Variants in MON2 observed in about 807,000 individuals in gnomAD.
The protein encoded by MON2 is MON2 regulator of endosome-to-Golgi trafficking.
In MON2, 84 loss-of-function variants were observed where a neutral mutation model predicts 208.6. The ratio of observed to expected loss-of-function variants is 0.40; its 90% CI spans 0.34 to 0.48. MON2 has a LOEUF of 0.48. MON2 is among the 20% of genes least tolerant of loss of function. MON2 has a pLI of 0.59. For synonymous variants in MON2, 660 were observed against 694.0 expected (o/e 0.95, Z 0.77); for missense variants, 1,611 against 2,015.4 (o/e 0.80, Z 3.84).
intron 8 of MON2, among the ~76,000 whole-genome samples, chr12:62,509,470 C>G (rs978838183): frequency 6.6e-6 from 1 of 152,090 alleles, no homozygotes; most frequent in South Asian, 2.1e-4. Flanking sequence ...TATTCTACTT[C>G]CAATAAAGGT....
intron 14 of MON2, among the ~76,000 whole-genome samples, chr12:62,536,051 A>G (rs116525056): frequency 6.0e-4 from 92 of 152,304 alleles, no homozygotes; most frequent in African/African-American, 2.1e-3. Context: ...GCATAAGTAT[A>G]TATAATATAA....
intron 8 of MON2, chr12:62,508,864 A>G (rs532924184): frequency 2.5e-3 from 416 of 164,750 alleles, no homozygotes; most frequent in South Asian, 3.8e-3. Context: ...AAGACATTAA[A>G]GATTTGGTCA....
chr12:62,497,965 C>A (rs1403552358), intron 4 of MON2, among the ~76,000 whole-genome samples: 1 of 152,218 alleles, frequency 6.6e-6, no homozygotes, highest in East Asian at 1.9e-4. Context: ...GATGACCCAT[C>A]CATTTCACTT....
In MON2 at chr12:62,551,319, A is replaced by C. The variant is rs530568730; in HGVS notation, c.2916+1489A>C. 7.9e-5 allele frequency among the ~76,000 whole-genome samples: 12 copies of C among 152,282 alleles called. No individual in the cohort carries two copies. The East Asian group carries it at 2.1e-3, about 27-fold the overall frequency. On this transcript the variant is annotated intron_variant, in intron 23 of 34. Coordinates refer to ENST00000393630, the MANE Select transcript of MON2 (RefSeq NM_015026.3). ...TCATTGTAGGGTTATTAATTGGCCT[A>C]ATTTCACTGTTGTTGTATCTCAAGA... is the stretch of plus-strand genomic sequence containing the variant.
At chr12:62,551,462 G>T (rs559421875) in intron 23 of MON2, among the ~76,000 whole-genome samples, 1 of 152,074 alleles carries the variant, frequency 6.6e-6, no homozygotes, top group Non-Finnish European at 1.5e-5. Flanking sequence ...CCCCAAAATA[G>T]TTGCAATAGT....
At chr12:62,473,689 C>A (rs1299408096) in intron 1 of MON2, among the ~76,000 whole-genome samples, 1 of 152,120 alleles carries the variant, frequency 6.6e-6, no homozygotes, top group Non-Finnish European at 1.5e-5. Flanking sequence ...CCCACCTCAG[C>A]CTCCTGAGTA....
intron 11 of MON2, among the ~76,000 whole-genome samples, chr12:62,532,223 G>GT (rs2072688269): frequency 6.6e-6 from 1 of 152,124 alleles, no homozygotes. Flanking sequence ...AAAATAATTA[G>GT]TTATGGCAGT....
intron 1 of MON2, among the ~76,000 whole-genome samples, chr12:62,472,227 G>C (rs763726378): frequency 6.6e-6 from 1 of 152,200 alleles, no homozygotes. Context: ...TTTCATCAAA[G>C]AGCAGTGGGG....
intron 8 of MON2, chr12:62,509,263 C>G (rs1477313940): frequency 2.0e-5 from 3 of 151,966 alleles, no homozygotes; most frequent in Non-Finnish European, 4.4e-5. Flanking sequence ...TACAGGCACC[C>G]ACCGCCACAC....
intron 2 of MON2, among the ~76,000 whole-genome samples, chr12:62,492,420 G>A (rs1427453248): frequency 7.1e-6 from 1 of 140,192 alleles, no homozygotes; most frequent in African/African-American, 2.7e-5. Flanking sequence ...GCCGGACTGC[G>A]GACTGCGGTG....
At chr12:62,506,054 AG>A (rs1161721992) in intron 7 of MON2, among the ~76,000 whole-genome samples, 8 of 152,214 alleles carry the variant, frequency 5.3e-5, no homozygotes, top group African/African-American at 1.9e-4. Context: ...ACCCAACTGT[AG>A]TGAGTTGAGC....
At chr12:62,520,249 G>C (rs1229953696) in intron 8 of MON2, among the ~76,000 whole-genome samples, 1 of 152,286 alleles carries the variant, frequency 6.6e-6, no homozygotes. Context: ...TAGTTGTGTA[G>C]ATATTCCAAA....
chr12:62,556,065 A>G lies in MON2; in HGVS notation c.3282A>G (p.Gly1094=), dbSNP rs1297836252. The change falls in exon 25 of 35, where the codon GGA becomes GGG. Residue 1094 remains glycine, a synonymous_variant. Coordinates refer to ENST00000393630, the MANE Select transcript of MON2 (RefSeq NM_015026.3). ...TTADKEKIES[G]GGNILIHHSR... ...CAGACAAAGAAAAGATTGAGTCTGG[A>G]GGTGGCAATATTCTCATTCATCATT... 6.2e-7 allele frequency: 1 copy of G among 1,613,948 alleles called. No homozygotes were observed. The highest frequency in any genetic ancestry group is 1.1e-5 in the South Asian group (1 of 91,036).
chr12:62,531,276 T>C (rs1161703801), intron 11 of MON2, among the ~76,000 whole-genome samples: 1 of 152,196 alleles, frequency 6.6e-6, no homozygotes, highest in Non-Finnish European at 1.5e-5. Flanking sequence ...TGGTGTTATA[T>C]CTAACAAACC....
chr12:62,579,752 A>G (rs2074935301), intron 31 of MON2, among the ~76,000 whole-genome samples: 1 of 152,162 alleles, frequency 6.6e-6, no homozygotes, highest in Admixed American at 6.5e-5. Context: ...TAAAATATAC[A>G]TTTAAAATGC....
At chr12:62,544,587 CTG>C (rs1040915869) in intron 20 of MON2, among the ~76,000 whole-genome samples, 4 of 152,150 alleles carry the variant, frequency 2.6e-5, no homozygotes, top group Non-Finnish European at 4.4e-5. Flanking sequence ...AAGGGCAACT[CTG>C]TGACATATTA....
At chr12:62,524,786 T>G in intron 9 of MON2, 147 bp downstream of exon 9, 2 of 854,358 alleles carry the variant, frequency 2.3e-6, no homozygotes, top group Non-Finnish European at 3.5e-6. Flanking sequence ...AATAGGGTAT[T>G]GTATCTATAA....
chr12:62,525,251 T>C (rs1211184310), intron 10 of MON2, 31 bp downstream of exon 10: 2 of 1,607,838 alleles, frequency 1.2e-6, no homozygotes, highest in Non-Finnish European at 1.7e-6. Flanking sequence ...TTGTTTCTTA[T>C]ATTCTGCCGT....
chr12:62,503,906 A>G (rs950297448), intron 7 of MON2, among the ~76,000 whole-genome samples: 3 of 151,948 alleles, frequency 2.0e-5, no homozygotes, highest in Admixed American at 6.6e-5. Context: ...TATCAGCACC[A>G]TTATCTTTCT....
Sources: gnomAD v4.1 joint callset for allele counts (sites outside exome capture counted in the v4.1 genomes callset) on GRCh38, gnomAD v4.1.1 for gene constraint, MANE v1.5 for transcripts, NCBI Gene and HGNC (gene_info 2026-07-23, HGNC 2026-07-21) for gene names.